RGS7: variants seen among roughly 807,000 people sequenced by gnomAD.
RGS7 encodes the protein regulator of G-protein signaling 7.
RGS7 carries 27 observed loss-of-function variants against 81.1 expected under a neutral mutation model. That is an observed-to-expected ratio of 0.33 (90% CI 0.25 to 0.46). The LOEUF is 0.46. RGS7 is among the 20% of genes least tolerant of loss of function. The pLI is 1.00. For missense variants in RGS7, 396 were observed against 607.4 expected, an observed-to-expected ratio of 0.65 and a Z score of 3.66; for synonymous variants, 208 against 207.7, an observed-to-expected ratio of 1.00 and a Z score of -0.01.
At chr1:241,253,669 C>T (rs943263895) in intron 2 of RGS7, among the ~76,000 whole-genome samples, 3 of 152,174 alleles carry the variant, frequency 2.0e-5, no homozygotes, top group Admixed American at 6.5e-5. Flanking sequence ...GCCAACCACA[C>T]ATTTCTCTCC....
intron 3 of RGS7, among the ~76,000 whole-genome samples, chr1:240,991,827 A>G (rs891328462): frequency 6.6e-6 from 1 of 152,196 alleles, no homozygotes; most frequent in Non-Finnish European, 1.5e-5. Flanking sequence ...TCCATATGCT[A>G]GCTGGTAGGC....
chr1:241,190,069 C>CT (rs1317388155), intron 2 of RGS7, among the ~76,000 whole-genome samples: 1 of 151,944 alleles, frequency 6.6e-6, no homozygotes, highest in Non-Finnish European at 1.5e-5. Flanking sequence ...CGCCACTGCA[C>CT]TCCAGCCTGG....
intron 2 of RGS7, among the ~76,000 whole-genome samples, chr1:241,335,762 A>C (rs1194370899): frequency 6.6e-6 from 1 of 152,142 alleles, no homozygotes; most frequent in African/African-American, 2.4e-5. Flanking sequence ...CAGGGGCTGC[A>C]GGAGAAGCCT....
chr1:240,922,114 G>A (rs1021908514), intron 6 of RGS7, among the ~76,000 whole-genome samples: 2 of 151,914 alleles, frequency 1.3e-5, no homozygotes, highest in East Asian at 1.9e-4. Context: ...AAAGGTAATC[G>A]AATGGAGAGA....
chr1:241,083,449 T>C (rs371130907), intron 3 of RGS7, among the ~76,000 whole-genome samples: 5 of 152,188 alleles, frequency 3.3e-5, no homozygotes, highest in African/African-American at 1.2e-4. Flanking sequence ...TTAATTGAAG[T>C]GTCCATTTGA....
At chr1:240,931,889 C>A (rs964571969) in intron 5 of RGS7, among the ~76,000 whole-genome samples, 1 of 152,126 alleles carries the variant, frequency 6.6e-6, no homozygotes, top group African/African-American at 2.4e-5. Context: ...TGGCTCCTGA[C>A]CACGAAGAAA....
chr1:240,934,328 T>C (rs1676224919), intron 5 of RGS7, among the ~76,000 whole-genome samples: 1 of 152,220 alleles, frequency 6.6e-6, no homozygotes, highest in Non-Finnish European at 1.5e-5. Context: ...ATCCCAACTT[T>C]TCTACTTTAA....
At chr1:240,862,507 A>G (rs1167846642) in intron 9 of RGS7, among the ~76,000 whole-genome samples, 2 of 152,218 alleles carry the variant, frequency 1.3e-5, no homozygotes, top group African/African-American at 2.4e-5. Context: ...GCAAGGTAGC[A>G]TATCACCTTT....
chr1:241,268,326 G>A (rs1310734253), intron 2 of RGS7, among the ~76,000 whole-genome samples: 2 of 152,184 alleles, frequency 1.3e-5, no homozygotes, highest in Admixed American at 6.5e-5. Context: ...TCTCAACCTC[G>A]GCACTATTGG....
In RGS7 at chr1:241,098,530, T is replaced by C. The variant is rs533254932; in HGVS notation, c.175+136A>G. The C allele has an allele frequency of 8.4e-4, 588 of 704,190 alleles. 1 individual carries two copies. The highest frequency in any genetic ancestry group is 2.8e-3 in the Middle Eastern group (12 of 4,290). 43.6% of individuals were successfully genotyped at this position (704,190 alleles called of 1,614,324 possible). A position where few individuals can be genotyped will look rare whatever the true frequency, so the allele number is the denominator to read the frequency against. On this transcript the variant is annotated intron_variant, in intron 3 of 18. Coordinates refer to ENST00000440928, the MANE Select transcript of RGS7 (RefSeq NM_001364886.1). ...TTTCAAGTGTTTCACATGATAAATATACCACAGGCATTTTATAAGTAGTTA... is the reference window on the plus strand; with the variant it reads ...TTTCAAGTGTTTCACATGATAAATACACCACAGGCATTTTATAAGTAGTTA...
chr1:240,867,307 G>C (rs1038874688), intron 9 of RGS7, among the ~76,000 whole-genome samples: 2 of 151,942 alleles, frequency 1.3e-5, no homozygotes, highest in African/African-American at 4.8e-5. Context: ...AAAATTGTAA[G>C]GTATTCTTAT....
intron 18 of RGS7, among the ~76,000 whole-genome samples, chr1:240,789,298 T>C (rs895711759): frequency 2.0e-5 from 3 of 152,174 alleles, no homozygotes; most frequent in African/African-American, 4.8e-5. Context: ...CTCAGGACCA[T>C]GTGATGATTG....
chr1:241,250,056 A>G (rs932168634), intron 2 of RGS7, among the ~76,000 whole-genome samples: 1 of 152,200 alleles, frequency 6.6e-6, no homozygotes, highest in African/African-American at 2.4e-5. Context: ...AAGAATTAGG[A>G]AATTATAAAT....
At chr1:241,259,849 T>C (rs1033169206) in intron 2 of RGS7, among the ~76,000 whole-genome samples, 12 of 151,572 alleles carry the variant, frequency 7.9e-5, no homozygotes, top group Admixed American at 7.3e-4. Flanking sequence ...CTATACTTAA[T>C]TGGCACAGTT....
At chr1:240,846,442 G>A (rs1188503419) in intron 9 of RGS7, among the ~76,000 whole-genome samples, 2 of 152,054 alleles carry the variant, frequency 1.3e-5, no homozygotes, top group African/African-American at 4.8e-5. Flanking sequence ...CTTGATCTAG[G>A]GCTTTGTTCT....
chr1:240,802,429 A>G (rs1688172294), intron 16 of RGS7, among the ~76,000 whole-genome samples: 1 of 152,184 alleles, frequency 6.6e-6, no homozygotes, highest in Non-Finnish European at 1.5e-5. Context: ...TAAATGCCAA[A>G]TAAAAATATT....
intron 2 of RGS7, among the ~76,000 whole-genome samples, chr1:241,316,992 C>A (rs978653394): frequency 5.9e-5 from 9 of 152,190 alleles, no homozygotes; most frequent in African/African-American, 2.2e-4. Context: ...GCAATGTTAA[C>A]ATTTTCTCCA....
chr1:241,239,706 G>A (rs372491234), intron 2 of RGS7, among the ~76,000 whole-genome samples: 3 of 152,252 alleles, frequency 2.0e-5, no homozygotes, highest in South Asian at 2.1e-4. Flanking sequence ...GAACAGTGGC[G>A]ACAGCAGCAA....
intron 3 of RGS7, among the ~76,000 whole-genome samples, chr1:241,094,581 A>G (rs1272586135): frequency 6.6e-6 from 1 of 150,868 alleles, no homozygotes; most frequent in Non-Finnish European, 1.5e-5. Flanking sequence ...TATGGAAACC[A>G]GGAGGTTGAA....
Sources: gnomAD v4.1 joint callset for allele counts (sites outside exome capture counted in the v4.1 genomes callset) on GRCh38, gnomAD v4.1.1 for gene constraint, MANE v1.5 for transcripts, NCBI Gene and HGNC (gene_info 2026-07-23, HGNC 2026-07-21) for gene names.